The following RCL1 variants were observed in gnomAD, a reference collection of about 807,000 sequenced individuals.
RCL1 encodes the protein RNA terminal phosphate cyclase like 1.
A neutral mutation model predicts 42.4 loss-of-function variants in RCL1; 24 were observed. The observed-to-expected ratio is 0.57, with a 90% confidence interval of 0.41 to 0.80. The LOEUF is 0.80. RCL1 is among the 30% of genes least tolerant of loss of function. RCL1 has a pLI of 0.00. For synonymous variants in RCL1, 228 were observed against 177.3 expected (o/e 1.29, Z -2.27); for missense variants, 578 against 467.9 (o/e 1.24, Z -2.17).
At chr9:4,817,470 T>A (rs296839) in intron 1 of RCL1, among the ~76,000 whole-genome samples, 12 of 60,368 alleles carry the variant, frequency 2.0e-4, no homozygotes, top group Admixed American at 1.9e-3. Flanking sequence ...TTTTTTTTAA[T>A]CTTTTTTTTT....
At chr9:4,825,538 C>T (rs896067706) in intron 2 of RCL1, among the ~76,000 whole-genome samples, 1 of 152,048 alleles carries the variant, frequency 6.6e-6, no homozygotes, top group Non-Finnish European at 1.5e-5. Context: ...GTAGTAAAAC[C>T]TACATTTATT....
intron 1 of RCL1, among the ~76,000 whole-genome samples, chr9:4,798,686 C>CTA (rs1842950796): frequency 1.3e-5 from 2 of 152,092 alleles, no homozygotes; most frequent in Admixed American, 1.3e-4. Flanking sequence ...GAGGATGTGC[C>CTA]TATATTTTAT....
Position 4,860,269 on chromosome 9 carries a change from C to G in RCL1, c.1116C>G (p.Leu372=), listed in dbSNP as rs1259468022. 10 of 1,612,728 alleles carry G rather than the reference C, an allele frequency of 6.2e-6. No individual in the cohort carries two copies. The highest frequency in any genetic ancestry group is 8.5e-6 in the Non-Finnish European group (10 of 1,179,558). The change falls in exon 9 of 9, where the codon CTC becomes CTG. Residue 372 remains leucine (L), a synonymous_variant. Transcript: ENST00000381750. ...GTTTCTCCAACCTTAGCAAGACCCT[C>G]AAGTGATAACCATCACAAGATAAGG... ...GIGFSNLSKT[L]K
intron 7 of RCL1, among the ~76,000 whole-genome samples, chr9:4,847,826 A>G (rs924906164): frequency 3.3e-5 from 5 of 152,172 alleles, no homozygotes; most frequent in Non-Finnish European, 5.9e-5. Context: ...TCACCTGGCC[A>G]TTCCTTGCTG....
chr9:4,839,600 T>C (rs920984707), intron 5 of RCL1: 1 of 923,306 alleles, frequency 1.1e-6, no homozygotes, highest in African/African-American at 1.8e-5. Context: ...CTAAGCTGTC[T>C]GTGGTCAAAA....
At chr9:4,827,236 A>G in intron 3 of RCL1, 2 of 1,497,594 alleles carry the variant, frequency 1.3e-6, no homozygotes, top group Non-Finnish European at 8.9e-7. Context: ...ACTATTGTTA[A>G]CAGTTACCAA....
In RCL1 at chr9:4,831,324, G is replaced by A. The variant is rs62540652; in HGVS notation, c.385-1830G>A. ...GTGTTTTTTCACCTTTTTTTCCCTC[G>A]AGAGAGCCGGTGGCTGCCCAGAGTA... On this transcript the variant is annotated intron_variant, in intron 3 of 8. Transcript: ENST00000381750. Among the ~76,000 whole-genome samples, 5 of 152,074 alleles carry A rather than the reference G, an allele frequency of 3.3e-5. No homozygotes were observed. The East Asian group carries it at 7.7e-4, about 23-fold the overall frequency.
intron 5 of RCL1, among the ~76,000 whole-genome samples, chr9:4,834,934 G>T (rs552570100): frequency 4.5e-4 from 69 of 152,284 alleles, no homozygotes; most frequent in Non-Finnish European, 8.1e-4. Context: ...TTTGAACCTG[G>T]TCTGTGTGAC....
intron 5 of RCL1, among the ~76,000 whole-genome samples, chr9:4,840,337 C>T (rs1817273920): frequency 6.6e-6 from 1 of 152,154 alleles, no homozygotes; most frequent in African/African-American, 2.4e-5. Flanking sequence ...TGTTATTTCT[C>T]CATTTTTTTA....
chr9:4,797,972 T>C (rs1252800848), intron 1 of RCL1, among the ~76,000 whole-genome samples: 1 of 152,234 alleles, frequency 6.6e-6, no homozygotes, highest in Non-Finnish European at 1.5e-5. Flanking sequence ...TAAGTTTATC[T>C]CATTGTACTC....
chr9:4,845,115 G>A (rs1451085784), intron 7 of RCL1, among the ~76,000 whole-genome samples: 1 of 152,170 alleles, frequency 6.6e-6, no homozygotes, highest in Non-Finnish European at 1.5e-5. Context: ...GTATGTGACA[G>A]TTGATTCATA....
intron 7 of RCL1, among the ~76,000 whole-genome samples, chr9:4,845,414 TTC>T (rs1161373591): frequency 6.6e-6 from 1 of 152,236 alleles, no homozygotes; most frequent in Non-Finnish European, 1.5e-5. Context: ...GCCACAGTCT[TTC>T]TCTGTTGATC....
At chr9:4,844,745 C>G (rs45498993) in intron 7 of RCL1, 64 bp downstream of exon 7, 30,673 of 1,520,094 alleles carry the variant, frequency 0.02, 400 homozygotes, top group Non-Finnish European at 0.023. Context: ...TCATTCTCAT[C>G]TCTTGGCAGC....
intron 5 of RCL1, among the ~76,000 whole-genome samples, chr9:4,840,177 G>C (rs1007264877): frequency 6.6e-6 from 1 of 152,120 alleles, no homozygotes; most frequent in Non-Finnish European, 1.5e-5. Context: ...TATCGTCTCT[G>C]AGCACTTTGT....
intron 8 of RCL1, among the ~76,000 whole-genome samples, chr9:4,854,770 A>G (rs1817877699): frequency 6.6e-6 from 1 of 151,950 alleles, no homozygotes; most frequent in Non-Finnish European, 1.5e-5. Context: ...GAAAATACAT[A>G]GGAAGGCCGG....
chr9:4,794,654 T>C (rs988843338), intron 1 of RCL1, among the ~76,000 whole-genome samples: 9 of 151,926 alleles, frequency 5.9e-5, no homozygotes, highest in South Asian at 2.1e-4. Flanking sequence ...TTTTTTTTTT[T>C]CCAGAGAAAT....
At chr9:4,845,025 G>A (rs540172988) in intron 7 of RCL1, among the ~76,000 whole-genome samples, 2 of 152,216 alleles carry the variant, frequency 1.3e-5, no homozygotes, top group African/African-American at 4.8e-5. Context: ...GTACCATCCC[G>A]GCACCCCCCG....
In RCL1 at chr9:4,849,536, T is replaced by G; in HGVS notation, c.957T>G (p.Pro319=). ...ATGTTTCCAAAGTCCTGCTAGGCCC[T>G]CTCTCTCCCTACACGTAAGTTATTC... ...QQDVSKVLLG[P]LSPYTIEFLR... Residue 319 remains proline, a synonymous_variant, in exon 8 of 9, where the codon CCT becomes CCG. Transcript: ENST00000381750. 1 of 1,610,186 alleles carries G rather than the reference T, an allele frequency of 6.2e-7. No individual in the cohort carries two copies. Among genetic ancestry groups the G allele is most frequent in the Non-Finnish European group, 8.5e-7 (1 of 1,176,566 alleles).
intron 1 of RCL1, among the ~76,000 whole-genome samples, chr9:4,808,296 A>G (rs1266044500): frequency 6.6e-6 from 1 of 151,984 alleles, no homozygotes; most frequent in East Asian, 1.9e-4. Flanking sequence ...CTCTGTCTCT[A>G]GTATTTTTTA....
Sources: allele counts gnomAD v4.1 joint callset (sites outside exome capture counted in the v4.1 genomes callset), GRCh38; gene constraint gnomAD v4.1.1; transcripts MANE v1.5; gene names NCBI Gene and HGNC (gene_info 2026-07-23, HGNC 2026-07-21).